Variants in ABHD2 observed in about 807,000 individuals in gnomAD.
The protein encoded by ABHD2 is abhydrolase domain containing 2, acylglycerol lipase.
Under a neutral mutation model 48.1 loss-of-function variants are expected in ABHD2, and 20 were observed. The observed-to-expected ratio is 0.42, with a 90% CI of 0.29 to 0.60. The LOEUF is 0.60. Among genes scored for constraint, ABHD2 ranks in the 20% least tolerant of loss-of-function variants. ABHD2 has a pLI of 0.24. For missense variants in ABHD2, 405 were observed against 550.9 expected, an observed-to-expected ratio of 0.74 and a Z score of 2.65; for synonymous variants, 209 against 214.2, an observed-to-expected ratio of 0.98 and a Z score of 0.21.
chr15:89,200,130 A>G lies in ABHD2; in HGVS notation c.*4707A>G, dbSNP rs1384712864. 1 of 152,230 alleles carries G rather than the reference A, an allele frequency of 6.6e-6. No homozygotes were observed. Among genetic ancestry groups the G allele is most frequent in the African/African-American group, 2.4e-5 (1 of 41,448 alleles). 9.4% of individuals were successfully genotyped at this position (152,230 alleles called of 1,614,324 possible). A position where few individuals can be genotyped will look rare whatever the true frequency, so the allele number is the denominator to read the frequency against. On this transcript the variant is annotated 3_prime_UTR_variant, in exon 11 of 11. Coordinates refer to ENST00000352732, the MANE Select transcript of ABHD2 (RefSeq NM_152924.5). ...GGTAGAGCTTTCATGCATCTCTAGT[A>G]ATAATAAGCTGAAATTAGTTTTTTT...
chr15:89,068,771 T>TTTTTG, the ABHD2 span, among the ~76,000 whole-genome samples: 6 of 128,192 alleles, frequency 4.7e-5, no homozygotes, highest in African/African-American at 1.5e-4. Context: ...TTTTTTTTTT[T>TTTTTG]TTTTTTTTTT....
At chr15:89,079,093 T>C in the ABHD2 span, among the ~76,000 whole-genome samples, 1 of 152,184 alleles carries the variant, frequency 6.6e-6, no homozygotes, top group Non-Finnish European at 1.5e-5. The surrounding 1 kb of genome is among the most constrained non-coding windows in gnomAD (Gnocchi z 4.3). Flanking sequence ...CTAGAAATAA[T>C]TCCTCTGCCC....
chr15:89,112,961 C>T (rs187306855), intron 1 of ABHD2, among the ~76,000 whole-genome samples: 14 of 152,332 alleles, frequency 9.2e-5, no homozygotes, highest in Admixed American at 9.1e-4. Context: ...ATTAAATGAG[C>T]TACCATATGT....
chr15:89,188,345 T>A lies in ABHD2; in HGVS notation c.926+42T>A, dbSNP rs1596162184. ...GGGAGAGGGACGCTCTGGGGCAGGG[T>A]GCCAGGCAGGAGGCTGCAGGTCAGC... On this transcript the variant is annotated intron_variant, in intron 8 of 10. Transcript: ENST00000352732. This position sits in a 1 kb window ranked among gnomAD's most constrained non-coding sequence, Gnocchi z 4.1. The A allele has an allele frequency of 6.3e-7, 1 of 1,584,182 alleles. No individual in the cohort carries two copies. Among genetic ancestry groups the A allele is most frequent in the African/African-American group, 1.3e-5 (1 of 74,324 alleles).
rs1171854649 is a variant in ABHD2 at position 89,155,233 on chromosome 15, C to A, written c.371-134C>A. The A allele has an allele frequency of 1.0e-6, 1 of 980,184 alleles. No individual in the cohort carries two copies. 60.7% of individuals were successfully genotyped at this position (980,184 alleles called of 1,614,324 possible). ...CAGCTCCAGCTAGAAGGGAAAAATT[C>A]TTCCCCAGAGAACTGAGTGAAAGAT... On this transcript the variant is annotated intron_variant, in intron 4 of 10. Coordinates refer to ENST00000352732, the MANE Select transcript of ABHD2 (RefSeq NM_152924.5). The surrounding 1 kb of genome is among the most constrained non-coding windows in gnomAD (Gnocchi z 4.9).
intron 1 of ABHD2, among the ~76,000 whole-genome samples, chr15:89,110,676 T>C (rs1163764467): frequency 1.3e-5 from 2 of 152,212 alleles, no homozygotes; most frequent in African/African-American, 4.8e-5. Flanking sequence ...CCCAGGGACA[T>C]GCAGAACTGA....
chr15:89,055,313 A>G, the ABHD2 span, among the ~76,000 whole-genome samples: 149,512 of 149,518 alleles, frequency 1, 74,753 homozygotes, highest in Middle Eastern at 1. Flanking sequence ...CAAAAGTAAA[A>G]CACTAGTTTC....
intron 3 of ABHD2, among the ~76,000 whole-genome samples, chr15:89,141,605 C>G (rs62020264): frequency 0.45 from 68,460 of 151,892 alleles, 16,167 homozygotes; most frequent in Non-Finnish European, 0.53. Context: ...TGCACTCCAG[C>G]CTGGGCAACT....
chr15:89,093,400 A>C (rs1201558660), intron 1 of ABHD2, among the ~76,000 whole-genome samples: 1 of 151,470 alleles, frequency 6.6e-6, no homozygotes, highest in Non-Finnish European at 1.5e-5. Context: ...CAAACTCCTG[A>C]CCTCAGGTGA....
At position 89,182,012 on chromosome 15, in the gene ABHD2, A is replaced by C. The variant is rs2051122898; in HGVS notation, c.723-3412A>C. Among the ~76,000 whole-genome samples, 1 of 152,248 alleles carries C rather than the reference A, an allele frequency of 6.6e-6. No homozygotes were observed. Among genetic ancestry groups the C allele is most frequent in the Non-Finnish European group, 1.5e-5 (1 of 68,036 alleles). On this transcript the variant is annotated intron_variant, in intron 6 of 10. Coordinates refer to ENST00000352732, the MANE Select transcript of ABHD2 (RefSeq NM_152924.5). The surrounding 1 kb of genome is among the most constrained non-coding windows in gnomAD (Gnocchi z 4.8). ...TTGAAACCAGTATGGGTCATATTTT[A>C]TTATAATTTAATGTTACATTGATTA...
In ABHD2 at chr15:89,116,607, T is replaced by C; in HGVS notation, c.194+86T>C. 3.5e-6 allele frequency: 5 copies of C among 1,417,742 alleles called. No homozygotes were observed. Among genetic ancestry groups the C allele is most frequent in the Non-Finnish European group, 4.8e-6 (5 of 1,038,626 alleles). 87.8% of individuals were successfully genotyped at this position (1,417,742 alleles called of 1,614,324 possible). A position where few individuals can be genotyped will look rare whatever the true frequency, so the allele number is the denominator to read the frequency against. ...TTCAAAGAAGAAACTTCTCTCATCG[T>C]GTCCTTAAGGCATCAATGGGATATG... On this transcript the variant is annotated intron_variant, in intron 3 of 10. Coordinates refer to ENST00000352732, the MANE Select transcript of ABHD2 (RefSeq NM_152924.5). The surrounding 1 kb of genome is among the most constrained non-coding windows in gnomAD (Gnocchi z 4.6).
chr15:89,157,325 A>AT (rs2150898151), intron 5 of ABHD2, among the ~76,000 whole-genome samples: 1 of 152,336 alleles, frequency 6.6e-6, no homozygotes, highest in East Asian at 1.9e-4. Flanking sequence ...CAGCAAGGTC[A>AT]TTCCAATTAC....
the ABHD2 span, among the ~76,000 whole-genome samples, chr15:89,060,904 TA>T: frequency 2.6e-4 from 39 of 150,448 alleles, no homozygotes; most frequent in East Asian, 5.8e-4. Flanking sequence ...ATACAGCCAT[TA>T]AAAAAAAATA....
Position 89,184,056 on chromosome 15 carries a change from G to C in ABHD2, c.723-1368G>C, listed in dbSNP as rs1001171188. The stretch of plus-strand genomic sequence containing the variant: ...GGTTAGAGTCGGGCGGGGGTTGGCT[G>C]CACATTTATGCAGTGGCCTTTTGAC... On this transcript the variant is annotated intron_variant, in intron 6 of 10. Coordinates refer to ENST00000352732, the MANE Select transcript of ABHD2 (RefSeq NM_152924.5). The surrounding 1 kb of genome is among the most constrained non-coding windows in gnomAD (Gnocchi z 5.1). Among the ~76,000 whole-genome samples, 2 of 152,136 alleles carry C rather than the reference G, an allele frequency of 1.3e-5. No individual in the cohort carries two copies. Among genetic ancestry groups the C allele is most frequent in the Admixed American group, 6.5e-5 (1 of 15,278 alleles).
intron 5 of ABHD2, among the ~76,000 whole-genome samples, chr15:89,170,580 A>G (rs369555675): frequency 4.2e-4 from 64 of 152,290 alleles, no homozygotes; most frequent in African/African-American, 1.5e-3. Context: ...ACTAGACCAA[A>G]GGTTTGTACT....
chr15:89,182,834 G>A lies in ABHD2; in HGVS notation c.723-2590G>A, dbSNP rs1277530113. Among the ~76,000 whole-genome samples the A allele has an allele frequency of 6.6e-6, 1 of 152,072 alleles. No homozygotes were observed. Among genetic ancestry groups the A allele is most frequent in the Non-Finnish European group, 1.5e-5 (1 of 68,002 alleles). ...AAAAGAACTTGGATAGGCAAGTAAG[G>A]TATTTGTGCAGTGTCTAGAGAGCTA... On this transcript the variant is annotated intron_variant, in intron 6 of 10. Transcript: ENST00000352732. This position sits in a 1 kb window ranked among gnomAD's most constrained non-coding sequence, Gnocchi z 4.8.
At position 89,177,106 on chromosome 15, in the gene ABHD2, T is replaced by A. The variant is rs998628600; in HGVS notation, c.722+1111T>A. Among the ~76,000 whole-genome samples the A allele has an allele frequency of 6.6e-6, 1 of 152,190 alleles. No homozygotes were observed. Among genetic ancestry groups the A allele is most frequent in the Non-Finnish European group, 1.5e-5 (1 of 68,030 alleles). ...GATCTAAATGTACCCACGATAGACA[T>A]GAGAAACATCTCTGATGAAACCCTT... On this transcript the variant is annotated intron_variant, in intron 6 of 10. Coordinates refer to ENST00000352732, the MANE Select transcript of ABHD2 (RefSeq NM_152924.5). This position sits in a 1 kb window ranked among gnomAD's most constrained non-coding sequence, Gnocchi z 5.6.
intron 3 of ABHD2, among the ~76,000 whole-genome samples, chr15:89,147,016 G>GT (rs1284977913): frequency 2.0e-5 from 3 of 152,158 alleles, no homozygotes; most frequent in Admixed American, 1.3e-4. Context: ...AACTATCAAA[G>GT]TATCTCATAA....
At chr15:89,145,192 G>A (rs182134121) in intron 3 of ABHD2, among the ~76,000 whole-genome samples, 3 of 152,208 alleles carry the variant, frequency 2.0e-5, no homozygotes, top group Admixed American at 2.0e-4. Context: ...GGAGGTGAAG[G>A]TTGCAGTGAG....
Sources: gnomAD v4.1 joint callset for allele counts (sites outside exome capture counted in the v4.1 genomes callset) on GRCh38, gnomAD v4.1.1 for gene constraint, Gnocchi (gnomAD v3.1) non-coding constraint, MANE v1.5 for transcripts, NCBI Gene and HGNC (gene_info 2026-07-23, HGNC 2026-07-21) for gene names.